The following DCDC1 variants were observed in gnomAD, a reference collection of about 807,000 sequenced individuals.
The protein encoded by DCDC1 is doublecortin domain-containing protein 1.
Under a neutral mutation model 178.3 loss-of-function variants are expected in DCDC1, and 200 were observed. That is an observed-to-expected ratio of 1.12 (90% CI 1.00 to 1.26). The LOEUF is 1.26. Among genes scored for constraint, DCDC1 ranks in the 50% most tolerant of loss-of-function variants. The probability of loss-of-function intolerance (pLI) is 0.00; values close to 1 mark genes in which losing one functional copy is unlikely to be tolerated. For missense variants in DCDC1, 1,983 were observed against 1,749.2 expected (o/e 1.13, Z -2.38); for synonymous variants, 690 against 604.8 (o/e 1.14, Z -2.07).
At chr11:31,212,976 C>T (rs977871695) in intron 9 of DCDC1, among the ~76,000 whole-genome samples, 1 of 151,954 alleles carries the variant, frequency 6.6e-6, no homozygotes, top group African/African-American at 2.4e-5. Flanking sequence ...TCCTGGATGC[C>T]TCTGCCCTCC....
At chr11:31,118,270 T>G (rs185483201) in intron 11 of DCDC1, among the ~76,000 whole-genome samples, 6 of 152,250 alleles carry the variant, frequency 3.9e-5, no homozygotes, top group African/African-American at 1.4e-4. Flanking sequence ...GTAAACATAA[T>G]TTTCCCCTAA....
At chr11:31,172,952 T>C (rs898136794) in intron 9 of DCDC1, among the ~76,000 whole-genome samples, 2 of 152,086 alleles carry the variant, frequency 1.3e-5, no homozygotes, top group Non-Finnish European at 2.9e-5. Context: ...ACAAAAGTGA[T>C]AAAATTCCAA....
At chr11:31,091,603 C>T (rs1957827447) in intron 16 of DCDC1, 92 bp from the exon 17 acceptor site, 3 of 644,544 alleles carry the variant, frequency 4.7e-6, no homozygotes, top group African/African-American at 1.8e-5. Flanking sequence ...GGTCATTATG[C>T]CTGGATAACC....
At chr11:31,359,869 G>A (rs1236134697) in intron 1 of DCDC1, among the ~76,000 whole-genome samples, 2 of 152,154 alleles carry the variant, frequency 1.3e-5, no homozygotes, top group African/African-American at 2.4e-5. Flanking sequence ...AAGGTGGTAT[G>A]GCAGAAAATG....
At chr11:31,177,379 T>C (rs900399811) in intron 9 of DCDC1, among the ~76,000 whole-genome samples, 2 of 150,762 alleles carry the variant, frequency 1.3e-5, no homozygotes, top group African/African-American at 4.9e-5. Flanking sequence ...CAAAAATGCA[T>C]CTTTGAATAA....
chr11:31,356,470 C>A (rs531473469), intron 1 of DCDC1, among the ~76,000 whole-genome samples: 1 of 151,596 alleles, frequency 6.6e-6, no homozygotes, highest in African/African-American at 2.4e-5. Context: ...ACTAAATGCC[C>A]ACAAGAGAAA....
chr11:30,880,192 C>T (rs1371137835), intron 37 of DCDC1, among the ~76,000 whole-genome samples: 5 of 151,928 alleles, frequency 3.3e-5, no homozygotes, highest in Non-Finnish European at 7.4e-5. Flanking sequence ...TCACCAAGAG[C>T]CAGGGTGAAG....
intron 22 of DCDC1, among the ~76,000 whole-genome samples, chr11:30,928,348 T>G (rs911889339): frequency 2.0e-5 from 3 of 152,006 alleles, no homozygotes; most frequent in Non-Finnish European, 2.9e-5. Flanking sequence ...CTTTTTTACT[T>G]TCTAAATTAA....
chr11:31,102,794 T>C (rs1409277379), intron 14 of DCDC1, among the ~76,000 whole-genome samples: 1 of 152,194 alleles, frequency 6.6e-6, no homozygotes, highest in Admixed American at 6.5e-5. Flanking sequence ...ACTAGTCACA[T>C]TTCAAATGCT....
intron 21 of DCDC1, among the ~76,000 whole-genome samples, chr11:30,950,011 A>C (rs1948318170): frequency 6.6e-6 from 1 of 152,156 alleles, no homozygotes. Flanking sequence ...AATAATAAAA[A>C]ATGGGCAAAA....
chr11:30,903,594 A>G lies in DCDC1; in HGVS notation c.4398T>C (p.Arg1466=), dbSNP rs763809059. 2 of 1,610,716 alleles carry G rather than the reference A, an allele frequency of 1.2e-6. No homozygotes were observed. The highest frequency in any genetic ancestry group is 1.7e-6 in the Non-Finnish European group (2 of 1,178,432). Reference sequence around the variant, plus strand: ...CATCTAGAGCCCATAAAACCAAATCACGCAAGGTAAAGATTGGGGTTCCAT... The same window carrying G: ...CATCTAGAGCCCATAAAACCAAATCGCGCAAGGTAAAGATTGGGGTTCCAT... ...TKDGTPIFTL[R]DLVLWALDES... is the part of the protein sequence containing the mutation. Residue 1466 remains arginine, a synonymous_variant, in exon 32 of 39, where the codon CGT becomes CGC. Coordinates refer to ENST00000684477, the MANE Select transcript of DCDC1 (RefSeq NM_001387274.1).
chr11:31,150,721 C>A (rs1965082207), intron 9 of DCDC1, among the ~76,000 whole-genome samples: 1 of 147,326 alleles, frequency 6.8e-6, no homozygotes, highest in African/African-American at 2.5e-5. Flanking sequence ...TCATCTATGT[C>A]CACACTTTCT....
At chr11:30,897,117 T>C (rs975335967) in intron 34 of DCDC1, among the ~76,000 whole-genome samples, 35 of 152,288 alleles carry the variant, frequency 2.3e-4, no homozygotes, top group African/African-American at 8.2e-4. Flanking sequence ...TATAAGCATG[T>C]GTTGAATTTA....
At chr11:30,974,019 C>A (rs1413073206) in intron 20 of DCDC1, among the ~76,000 whole-genome samples, 1 of 151,812 alleles carries the variant, frequency 6.6e-6, no homozygotes, top group African/African-American at 2.4e-5. Context: ...ATTTTAAAAA[C>A]CTGAAGTCAT....
chr11:31,123,698 G>C (rs1167329157), intron 11 of DCDC1, among the ~76,000 whole-genome samples: 1 of 151,904 alleles, frequency 6.6e-6, no homozygotes, highest in Non-Finnish European at 1.5e-5. Context: ...CCTGAGAAGA[G>C]AGGAAGCAGA....
At chr11:31,321,913 T>A (rs538406830) in intron 3 of DCDC1, among the ~76,000 whole-genome samples, 14 of 152,176 alleles carry the variant, frequency 9.2e-5, no homozygotes, top group Non-Finnish European at 1.3e-4. Flanking sequence ...AAGCCCTGGT[T>A]ACTGAAGGGA....
intron 20 of DCDC1, among the ~76,000 whole-genome samples, chr11:30,962,135 A>T (rs1590562992): frequency 6.6e-6 from 1 of 152,214 alleles, no homozygotes; most frequent in East Asian, 1.9e-4. Flanking sequence ...ATTTTAAGTA[A>T]CTTCATCCTA....
At chr11:31,217,666 C>A (rs1973753798) in intron 9 of DCDC1, among the ~76,000 whole-genome samples, 1 of 152,030 alleles carries the variant, frequency 6.6e-6, no homozygotes. Context: ...ATATACTCAA[C>A]TCAAAGGGGA....
intron 9 of DCDC1, among the ~76,000 whole-genome samples, chr11:31,213,556 T>G (rs1400878810): frequency 6.6e-6 from 1 of 151,646 alleles, no homozygotes; most frequent in Non-Finnish European, 1.5e-5. Context: ...CCCATCTTTA[T>G]TAAAAATACA....
Sources: allele counts gnomAD v4.1 joint callset (sites outside exome capture counted in the v4.1 genomes callset), GRCh38; gene constraint gnomAD v4.1.1; transcripts MANE v1.5; gene names NCBI Gene and HGNC (gene_info 2026-07-23, HGNC 2026-07-21).